Variants in CEP128 observed in about 807,000 individuals in gnomAD.
CEP128 encodes the protein centrosomal protein 128, also known as centrosomal protein 128kDa.
Under a neutral mutation model 156.7 loss-of-function variants are expected in CEP128, and 132 were observed. The ratio of observed to expected loss-of-function variants is 0.84; its 90% CI spans 0.73 to 0.97. The LOEUF (loss-of-function observed/expected upper bound fraction) is 0.97, where lower values mean the gene tolerates loss of function less well. Ranked by LOEUF, CEP128 falls within the 50% of genes least tolerant of loss-of-function variation. The pLI is 0.00. For synonymous variants in CEP128, 469 were observed against 448.9 expected (o/e 1.04, Z -0.57); for missense variants, 1,252 against 1,281.9 (o/e 0.98, Z 0.36).
At chr14:80,765,274 C>T (rs1376784276) in intron 16 of CEP128, among the ~76,000 whole-genome samples, 4 of 152,162 alleles carry the variant, frequency 2.6e-5, no homozygotes, top group Non-Finnish European at 5.9e-5. Context: ...AGCGCTTTCT[C>T]GCAGTTTCAT....
intron 19 of CEP128, among the ~76,000 whole-genome samples, chr14:80,714,299 AACACACACACAT>A (rs1897521455): frequency 6.6e-6 from 1 of 151,894 alleles, no homozygotes; most frequent in African/African-American, 2.4e-5. Context: ...TTCAAGGCAA[AACACACACACAT>A]ACACACACAC....
At chr14:80,521,078 T>A (rs989901858) in intron 23 of CEP128, among the ~76,000 whole-genome samples, 1 of 149,500 alleles carries the variant, frequency 6.7e-6, no homozygotes, top group Non-Finnish European at 1.5e-5. Context: ...CCTGACCTCA[T>A]GATCCACCCA....
intron 8 of CEP128, among the ~76,000 whole-genome samples, chr14:80,881,304 T>G (rs1194187165): frequency 6.6e-6 from 1 of 152,154 alleles, no homozygotes; most frequent in Non-Finnish European, 1.5e-5. Context: ...TATATGCCAA[T>G]ATATTGGAAA....
At chr14:80,944,550 C>T (rs1054754626), upstream of CEP128, among the ~76,000 whole-genome samples, 29 of 152,194 alleles carry the variant, frequency 1.9e-4, no homozygotes, top group Non-Finnish European at 4.1e-4. Context: ...TTGCCAGGTG[C>T]GGTGGCTCAC....
At chr14:80,925,780 T>C (rs4903948) in intron 2 of CEP128, among the ~76,000 whole-genome samples, 104,082 of 151,890 alleles carry the variant, frequency 0.69, 36,777 homozygotes, top group African/African-American at 0.86. Context: ...GTAGTCTACA[T>C]GATAAACCAG....
chr14:80,805,152 A>ATAACCTAGATAAATCTAGGAGATT (rs558989514), intron 13 of CEP128, among the ~76,000 whole-genome samples: 4 of 152,124 alleles, frequency 2.6e-5, no homozygotes, highest in Admixed American at 6.5e-5. Context: ...CCAAACCTTG[A>ATAACCTAGATAAATCTAGGAGATT]TAACCTAGAT....
At position 80,526,370 on chromosome 14, in the gene CEP128, G is replaced by A. The variant is rs747084163; in HGVS notation, c.3072+499C>T. On this transcript the variant is annotated intron_variant, in intron 23 of 24. Transcript: ENST00000555265. Reference sequence around the variant, plus strand: ...GAGAATGTATGCTTTTTGTTAATACGGTTAAGTCTTCCCAGTGTCCTGTGC... The same window carrying A: ...GAGAATGTATGCTTTTTGTTAATACAGTTAAGTCTTCCCAGTGTCCTGTGC... Among the ~76,000 whole-genome samples, 132 of 152,102 alleles carry A rather than the reference G, an allele frequency of 8.7e-4. 1 individual carries two copies. The highest frequency in any genetic ancestry group is 8.3e-3 in the Admixed American group (127 of 15,270).
At chr14:80,587,269 C>T (rs935152605) in intron 19 of CEP128, among the ~76,000 whole-genome samples, 3 of 152,032 alleles carry the variant, frequency 2.0e-5, no homozygotes, top group African/African-American at 2.4e-5. Context: ...TTTTCTCATC[C>T]GGCCTTACCA....
intron 21 of CEP128, among the ~76,000 whole-genome samples, chr14:80,534,705 G>A (rs1889400799): frequency 1.3e-5 from 2 of 151,624 alleles, no homozygotes; most frequent in African/African-American, 2.4e-5. Flanking sequence ...GGCACCTGTA[G>A]TCCCAGCTAC....
chr14:80,678,454 C>T (rs1041222222), intron 19 of CEP128, among the ~76,000 whole-genome samples: 3 of 151,718 alleles, frequency 2.0e-5, no homozygotes, highest in Non-Finnish European at 4.4e-5. Context: ...AGATTAGAGG[C>T]TTTTAGCATG....
At chr14:80,558,077 CT>C in intron 21 of CEP128, among the ~76,000 whole-genome samples, 1 of 152,088 alleles carries the variant, frequency 6.6e-6, no homozygotes, top group Admixed American at 6.5e-5. Flanking sequence ...AAATTAAAAT[CT>C]ATAATTCTTA....
chr14:80,648,205 T>C (rs1894744586), intron 19 of CEP128, among the ~76,000 whole-genome samples: 1 of 152,064 alleles, frequency 6.6e-6, no homozygotes, highest in Non-Finnish European at 1.5e-5. Flanking sequence ...AGGAGAGCAG[T>C]TGGAGTTTAA....
At chr14:80,761,281 T>C (rs1425701245) in intron 17 of CEP128, among the ~76,000 whole-genome samples, 156 bp downstream of exon 17, 1 of 151,430 alleles carries the variant, frequency 6.6e-6, no homozygotes, top group African/African-American at 2.4e-5. Context: ...AACTGTGCAA[T>C]AGATCCAGCG....
rs145531335 is a variant in CEP128, at chr14:80,497,181, G to C, written c.*298C>G. On this transcript the variant is annotated 3_prime_UTR_variant, in exon 25 of 25. Coordinates refer to ENST00000555265, the MANE Select transcript of CEP128 (RefSeq NM_152446.5). Reference sequence around the variant, plus strand: ...AATTAGAAATCCAAATTTTGGTTGGGAAAATGTGACTGACCACACTTGAAA... The same window carrying C: ...AATTAGAAATCCAAATTTTGGTTGGCAAAATGTGACTGACCACACTTGAAA... The C allele has an allele frequency of 5.9e-3, 1,132 of 191,694 alleles. 22 individuals carry two copies. Among genetic ancestry groups the C allele is most frequent in the African/African-American group, 0.025 (1,065 of 43,070 alleles). The allele number at this position is 191,694 out of a possible 1,614,324, so 11.9% of individuals were successfully genotyped here.
At chr14:80,597,735 A>AATTATGT (rs1172817526) in intron 19 of CEP128, among the ~76,000 whole-genome samples, 1 of 151,910 alleles carries the variant, frequency 6.6e-6, no homozygotes, top group Non-Finnish European at 1.5e-5. Context: ...TTATAATAAG[A>AATTATGT]ATTATGTAAC....
At chr14:80,632,028 T>C (rs1893981955) in intron 19 of CEP128, among the ~76,000 whole-genome samples, 1 of 152,108 alleles carries the variant, frequency 6.6e-6, no homozygotes, top group South Asian at 2.1e-4. Flanking sequence ...TATTCAGCTC[T>C]TCTGTACTCT....
At chr14:80,880,905 AATAAT>A (rs1888517929) in intron 8 of CEP128, among the ~76,000 whole-genome samples, 1 of 101,698 alleles carries the variant, frequency 9.8e-6, no homozygotes, top group Non-Finnish European at 2.2e-5. Flanking sequence ...TAATAATAAT[AATAAT>A]TTCAGTAAAG....
chr14:80,636,348 G>C (rs544563725), intron 19 of CEP128, among the ~76,000 whole-genome samples: 16 of 152,292 alleles, frequency 1.1e-4, no homozygotes, highest in African/African-American at 2.9e-4. Flanking sequence ...AGGAAGACAA[G>C]TTGTTCTATA....
chr14:80,530,773 T>C (rs1889188577), intron 22 of CEP128, 36 bp downstream of exon 22: 3 of 1,451,512 alleles, frequency 2.1e-6, no homozygotes, highest in Admixed American at 3.7e-5. Context: ...CTCACTCAGA[T>C]AAAATACTGA....
Sources: gnomAD v4.1 joint callset for allele counts (sites outside exome capture counted in the v4.1 genomes callset) on GRCh38, gnomAD v4.1.1 for gene constraint, MANE v1.5 for transcripts, NCBI Gene and HGNC (gene_info 2026-07-23, HGNC 2026-07-21) for gene names.